DLGAP2: variants seen among roughly 807,000 people sequenced by gnomAD.
DLGAP2 encodes the protein disks large-associated protein 2.
DLGAP2 carries 26 observed loss-of-function variants against 100.3 expected under a neutral mutation model. That is an observed-to-expected ratio of 0.26 (90% CI 0.19 to 0.36). The LOEUF is 0.36. DLGAP2 is among the 10% of genes least tolerant of loss of function. The pLI, the probability that DLGAP2 is intolerant of heterozygous loss-of-function variation, is 1.00. For synonymous variants in DLGAP2, 886 were observed against 630.1 expected, an observed-to-expected ratio of 1.41 and a Z score of -6.08; for missense variants, 1,858 against 1,453.2, an observed-to-expected ratio of 1.28 and a Z score of -4.53.
At chr8:1,135,527 T>TTTTTTTTTTTTTTTTA (rs57918618) in intron 2 of DLGAP2, among the ~76,000 whole-genome samples, 1 of 146,856 alleles carries the variant, frequency 6.8e-6, no homozygotes, top group East Asian at 2.0e-4. Context: ...TTTTTTTTTT[T>TTTTTTTTTTTTTTTTA]GTCCATATCT....
chr8:1,623,674 T>C (rs144778447), intron 6 of DLGAP2, among the ~76,000 whole-genome samples: 2,220 of 151,642 alleles, frequency 0.015, 29 homozygotes, highest in Middle Eastern at 0.096. Context: ...CACCAGTGTG[T>C]GATGACCTGG....
intron 2 of DLGAP2, among the ~76,000 whole-genome samples, chr8:1,171,306 T>A (rs946478861): frequency 6.6e-6 from 1 of 152,200 alleles, no homozygotes; most frequent in African/African-American, 2.4e-5. Flanking sequence ...TTCCAGAGTA[T>A]GTGGTCAGTT....
intron 1 of DLGAP2, among the ~76,000 whole-genome samples, chr8:779,937 C>T (rs932096857): frequency 6.6e-6 from 1 of 152,096 alleles, no homozygotes; most frequent in Non-Finnish European, 1.5e-5. Flanking sequence ...TCTATGTATA[C>T]ACTGGGGAAA....
chr8:1,446,934 A>G (rs1279385013), intron 3 of DLGAP2, among the ~76,000 whole-genome samples: 3 of 152,164 alleles, frequency 2.0e-5, no homozygotes, highest in Admixed American at 1.3e-4. Context: ...ATTTTTGTAC[A>G]TTGATTTTGT....
Position 1,101,325 on chromosome 8 carries a change from A to G in DLGAP2, c.74-157526A>G, listed in dbSNP as rs892984035. ...AGGGGGGCCATTTGTTGGCCAGTGT[A>G]TGCTCTGCTTGCAGAATCAGTAAGT... On this transcript the variant is annotated intron_variant, in intron 2 of 14. Transcript: ENST00000637795. Among the ~76,000 whole-genome samples, 5 of 152,216 alleles carry G rather than the reference A, an allele frequency of 3.3e-5. No homozygotes were observed. The East Asian group carries it at 7.7e-4, about 23-fold the overall frequency.
intron 2 of DLGAP2, among the ~76,000 whole-genome samples, chr8:981,902 G>T (rs1417147629): frequency 6.6e-6 from 1 of 152,198 alleles, no homozygotes; most frequent in African/African-American, 2.4e-5. Context: ...AACGTTGAAT[G>T]GGAATCCAGT....
At chr8:749,814 G>A (rs77567077) in intron 1 of DLGAP2, among the ~76,000 whole-genome samples, 1,804 of 152,278 alleles carry the variant, frequency 0.012, 37 homozygotes, top group African/African-American at 0.042. Context: ...TGGAAGCCTG[G>A]AGCCAAGGTA....
intron 3 of DLGAP2, among the ~76,000 whole-genome samples, chr8:1,470,041 G>T (rs149834042): frequency 4.6e-5 from 7 of 151,570 alleles, no homozygotes; most frequent in African/African-American, 7.3e-5. Flanking sequence ...GTGTGCCTGC[G>T]ATCCCAGCTG....
intron 1 of DLGAP2, among the ~76,000 whole-genome samples, chr8:826,857 G>A (rs1214068417): frequency 6.6e-6 from 1 of 152,164 alleles, no homozygotes; most frequent in Non-Finnish European, 1.5e-5. Context: ...GAGAAGCTTA[G>A]GGGTGTGCTC....
chr8:947,200 G>A (rs983566299), intron 2 of DLGAP2, among the ~76,000 whole-genome samples: 5 of 152,142 alleles, frequency 3.3e-5, no homozygotes, highest in Non-Finnish European at 7.3e-5. Context: ...GAACAACCCA[G>A]GAGCCCGGGG....
intron 3 of DLGAP2, among the ~76,000 whole-genome samples, chr8:1,427,901 A>G (rs764211409): frequency 3.3e-5 from 5 of 152,204 alleles, no homozygotes; most frequent in Admixed American, 1.3e-4. Context: ...TCATAACTTA[A>G]CAGTGCCGCA....
At chr8:1,031,869 C>T (rs1378260357) in intron 2 of DLGAP2, among the ~76,000 whole-genome samples, 2 of 152,302 alleles carry the variant, frequency 1.3e-5, no homozygotes, top group South Asian at 4.1e-4. Flanking sequence ...GAAATGAATT[C>T]ACCTGTGGCC....
At chr8:988,187 G>C (rs1206319795) in intron 2 of DLGAP2, among the ~76,000 whole-genome samples, 1 of 152,192 alleles carries the variant, frequency 6.6e-6, no homozygotes, top group East Asian at 1.9e-4. Flanking sequence ...TTTCTAAAGA[G>C]TATGTATTTA....
chr8:1,074,616 C>T (rs191228439), intron 2 of DLGAP2, among the ~76,000 whole-genome samples: 1 of 152,184 alleles, frequency 6.6e-6, no homozygotes, highest in African/African-American at 2.4e-5. Flanking sequence ...CAGTAACAGA[C>T]TTGCAAGGTG....
intron 1 of DLGAP2, among the ~76,000 whole-genome samples, chr8:851,573 C>T (rs1234310951): frequency 2.6e-5 from 4 of 152,168 alleles, no homozygotes; most frequent in East Asian, 3.8e-4. Flanking sequence ...TTACAAACAC[C>T]GTTCTGAGAT....
intron 3 of DLGAP2, among the ~76,000 whole-genome samples, chr8:1,353,362 G>A (rs1801778767): frequency 1.3e-5 from 2 of 152,186 alleles, no homozygotes; most frequent in Admixed American, 1.3e-4. Context: ...ATTAGAAACT[G>A]TACTTCGAGT....
intron 1 of DLGAP2, among the ~76,000 whole-genome samples, chr8:860,327 C>G (rs957592643): frequency 6.6e-6 from 1 of 152,246 alleles, no homozygotes; most frequent in Admixed American, 6.5e-5. Context: ...CCGCTGCCAG[C>G]TCTGCTGACA....
chr8:1,282,845 G>A (rs7830897), intron 3 of DLGAP2, among the ~76,000 whole-genome samples: 4 of 49,788 alleles, frequency 8.0e-5, no homozygotes, highest in Admixed American at 7.8e-4. Flanking sequence ...AGCACGTGAA[G>A]CATCCGGACG....
At chr8:903,102 A>C (rs936586364) in intron 1 of DLGAP2, among the ~76,000 whole-genome samples, 2 of 151,852 alleles carry the variant, frequency 1.3e-5, no homozygotes, top group African/African-American at 2.4e-5. Context: ...GGGATCCCCA[A>C]GCGGCCGTCA....
Sources: allele counts gnomAD v4.1 joint callset (sites outside exome capture counted in the v4.1 genomes callset), GRCh38; gene constraint gnomAD v4.1.1; transcripts MANE v1.5; gene names NCBI Gene and HGNC (gene_info 2026-07-23, HGNC 2026-07-21).